Variants in PHF21A observed in about 807,000 individuals in gnomAD.
PHF21A encodes PHD finger protein 21A.
Under a neutral mutation model 82.5 loss-of-function variants are expected in PHF21A, and 11 were observed. The ratio of observed to expected loss-of-function variants is 0.13; its 90% CI spans 0.08 to 0.22. The LOEUF is 0.22. PHF21A is among the 10% of genes least tolerant of loss of function. The pLI, the probability that PHF21A is intolerant of heterozygous loss-of-function variation, is 1.00. For synonymous variants in PHF21A, 297 were observed against 302.8 expected (o/e 0.98, Z 0.20); for missense variants, 579 against 837.8 (o/e 0.69, Z 3.81).
At chr11:46,097,322 G>A (rs571185298) in intron 1 of PHF21A, among the ~76,000 whole-genome samples, 6 of 152,228 alleles carry the variant, frequency 3.9e-5, no homozygotes, top group African/African-American at 1.4e-4. Context: ...GGCACTGAGT[G>A]ATTTGGGCCT....
chr11:46,119,026 G>A (rs947015460), intron 1 of PHF21A, among the ~76,000 whole-genome samples: 1 of 151,866 alleles, frequency 6.6e-6, no homozygotes, highest in African/African-American at 2.4e-5. Flanking sequence ...CGCTCAAAAA[G>A]GAGATAATTC....
chr11:45,971,121 T>A lies in PHF21A; in HGVS notation c.607A>T (p.Thr203Ser). 6.2e-7 allele frequency: 1 copy of A among 1,613,880 alleles called. No homozygotes were observed. The highest frequency in any genetic ancestry group is 8.5e-7 in the Non-Finnish European group (1 of 1,179,938). The change falls in exon 8 of 19, where the codon ACT becomes TCT. Residue 203 changes from threonine (T) to serine (S), a missense_variant. Thr to Ser is a moderately conservative substitution (Grantham distance 58, BLOSUM62 1). This residue lies in a region of PHF21A where 410 missense variants were observed against 642.1 expected (regional missense o/e 0.64). Coordinates refer to ENST00000676320, the MANE Select transcript of PHF21A (RefSeq NM_001352027.3). Reference sequence around the variant, plus strand: ...AGGAGCAGCTGCTGGCTTACCAGAGTGACTGTGTTTTTTGCCACAATTTGG... The same window carrying A: ...AGGAGCAGCTGCTGGCTTACCAGAGAGACTGTGTTTTTTGCCACAATTTGG... ...AVQIVAKNTV[T>S]LQVQATPPQP...
intron 4 of PHF21A, chr11:46,083,439 C>T (rs920096920): frequency 3.9e-5 from 6 of 152,180 alleles, no homozygotes; most frequent in Non-Finnish European, 8.8e-5. Flanking sequence ...GAAACTATAC[C>T]TAAGAACAAA....
intron 6 of PHF21A, among the ~76,000 whole-genome samples, chr11:46,011,470 C>T (rs1041262443): frequency 6.6e-5 from 10 of 151,568 alleles, no homozygotes; most frequent in East Asian, 5.8e-4. Flanking sequence ...CCAGCCTGAG[C>T]GACAGTGCAA....
chr11:45,977,527 T>A (rs2094092751), intron 7 of PHF21A, among the ~76,000 whole-genome samples: 1 of 152,210 alleles, frequency 6.6e-6, no homozygotes, highest in Non-Finnish European at 1.5e-5. Flanking sequence ...AAACAATGAA[T>A]TCTACCACAC....
chr11:46,060,289 C>T (rs2096518368), intron 6 of PHF21A, among the ~76,000 whole-genome samples: 2 of 152,130 alleles, frequency 1.3e-5, no homozygotes, highest in African/African-American at 2.4e-5. Flanking sequence ...TAAGCCACTA[C>T]ACCCCAACCA....
chr11:46,041,455 C>T (rs1165364789), intron 6 of PHF21A, among the ~76,000 whole-genome samples: 1 of 152,228 alleles, frequency 6.6e-6, no homozygotes, highest in East Asian at 1.9e-4. Flanking sequence ...TCATCTGAGT[C>T]AAATGTATAT....
chr11:46,074,134 A>T (rs1334714227), intron 6 of PHF21A, among the ~76,000 whole-genome samples: 1 of 150,144 alleles, frequency 6.7e-6, no homozygotes, highest in Non-Finnish European at 1.5e-5. Context: ...AAAAAAAAAA[A>T]GTTGTCAGAT....
At chr11:46,006,625 G>C (rs2095302670) in intron 6 of PHF21A, among the ~76,000 whole-genome samples, 1 of 152,248 alleles carries the variant, frequency 6.6e-6, no homozygotes, top group Non-Finnish European at 1.5e-5. Flanking sequence ...ACGCCATCTA[G>C]TGGGATCAGT....
At chr11:46,015,432 A>G (rs1239162524) in intron 6 of PHF21A, among the ~76,000 whole-genome samples, 1 of 152,118 alleles carries the variant, frequency 6.6e-6, no homozygotes, top group Non-Finnish European at 1.5e-5. Context: ...AATTTCCAGA[A>G]AAGTATTTCC....
intron 6 of PHF21A, among the ~76,000 whole-genome samples, chr11:46,032,867 T>C (rs753318547): frequency 2.0e-5 from 3 of 152,176 alleles, no homozygotes; most frequent in Non-Finnish European, 4.4e-5. Context: ...CATACAAGAG[T>C]ATAAGTACAT....
intron 6 of PHF21A, chr11:46,049,590 C>T (rs2096315001): frequency 2.4e-6 from 1 of 418,410 alleles, no homozygotes; most frequent in Admixed American, 2.7e-5. Context: ...AAAGGAGAAG[C>T]ATATTTCTGG....
chr11:46,079,273 G>A, intron 4 of PHF21A, 107 bp from the exon 5 acceptor site: 1 of 710,824 alleles, frequency 1.4e-6, no homozygotes, highest in Non-Finnish European at 2.4e-6. Context: ...ACAAAAAAAA[G>A]AGCAACACCA....
chr11:45,982,780 C>T (rs1232564376), intron 6 of PHF21A, among the ~76,000 whole-genome samples: 1 of 152,006 alleles, frequency 6.6e-6, no homozygotes, highest in African/African-American at 2.4e-5. Flanking sequence ...AAAACAAAAA[C>T]AACAATAAAA....
chr11:45,945,718 G>T, intron 15 of PHF21A, 122 bp downstream of exon 15: 1 of 776,258 alleles, frequency 1.3e-6, no homozygotes, highest in Non-Finnish European at 2.0e-6. Context: ...GCATTCTATA[G>T]TGTTTAATTG....
intron 1 of PHF21A, among the ~76,000 whole-genome samples, chr11:46,106,308 C>T (rs1284985190): frequency 6.6e-6 from 1 of 152,144 alleles, no homozygotes; most frequent in Admixed American, 6.5e-5. Context: ...CCCCTGAGCA[C>T]AAAAGGGTGG....
At chr11:46,073,447 T>A (rs1346485631) in intron 6 of PHF21A, among the ~76,000 whole-genome samples, 1 of 152,196 alleles carries the variant, frequency 6.6e-6, no homozygotes, top group Non-Finnish European at 1.5e-5. Flanking sequence ...GAGCTTGATG[T>A]TAAAAAAATT....
rs371455070 is a variant in PHF21A at position 46,014,295 on chromosome 11, T to G, written c.154-34329A>C. 3.3e-5 allele frequency among the ~76,000 whole-genome samples: 5 copies of G among 152,340 alleles called. No homozygotes were observed. The East Asian group carries it at 9.6e-4, about 29-fold the overall frequency. ...TTTTCTGTTTCTGCATTAATTCCCT[T>G]AGGATAATGGCCTCCAGCTGCAGCC... On this transcript the variant is annotated intron_variant, in intron 6 of 18. Transcript: ENST00000676320.
At chr11:45,977,971 T>G (rs1591513774) in intron 7 of PHF21A, among the ~76,000 whole-genome samples, 2 of 152,154 alleles carry the variant, frequency 1.3e-5, no homozygotes, top group East Asian at 3.9e-4. Flanking sequence ...AGGTAAATTA[T>G]GTAACCTCTC....
Sources: gnomAD v4.1 joint callset for allele counts (sites outside exome capture counted in the v4.1 genomes callset) on GRCh38, gnomAD v4.1.1 for gene constraint, gnomAD v4.1.1 regional missense constraint, MANE v1.5 for transcripts, NCBI Gene and HGNC (gene_info 2026-07-23, HGNC 2026-07-21) for gene names.